Variants in DYRK1A observed in about 807,000 individuals in gnomAD.
DYRK1A encodes the protein dual specificity tyrosine phosphorylation regulated kinase 1A, also known as dual specificity tyrosine-phosphorylation-regulated kinase 1A.
A neutral mutation model predicts 79.7 loss-of-function variants in DYRK1A; 9 were observed. The observed-to-expected ratio is 0.11, with a 90% CI of 0.07 to 0.20. DYRK1A has a LOEUF of 0.20. Among genes scored for constraint, DYRK1A ranks in the 10% least tolerant of loss-of-function variants. DYRK1A has a pLI of 1.00. For missense variants in DYRK1A, 622 were observed against 956.0 expected, an observed-to-expected ratio of 0.65 and a Z score of 4.61; for synonymous variants, 349 against 329.7, an observed-to-expected ratio of 1.06 and a Z score of -0.63.
At chr21:37,496,315 C>G in intron 9 of DYRK1A, 57 bp downstream of exon 9, 1 of 1,509,000 alleles carries the variant, frequency 6.6e-7, no homozygotes, top group South Asian at 1.3e-5. Context: ...TCATACCTGT[C>G]TTTTTATAGC....
intron 1 of DYRK1A, among the ~76,000 whole-genome samples, chr21:37,385,235 A>G (rs1229730292): frequency 6.6e-6 from 1 of 152,108 alleles, no homozygotes; most frequent in Admixed American, 6.5e-5. Flanking sequence ...ATACACTTCC[A>G]TTTATTATCT....
intron 2 of DYRK1A, among the ~76,000 whole-genome samples, chr21:37,427,221 C>G (rs1354854963): frequency 6.6e-6 from 1 of 152,188 alleles, no homozygotes; most frequent in Non-Finnish European, 1.5e-5. Flanking sequence ...AAGCTATCCT[C>G]CTGCCTCAGC....
At chr21:37,492,866 G>A (rs989053511) in intron 7 of DYRK1A, 151 bp from the exon 8 acceptor site, 13 of 557,512 alleles carry the variant, frequency 2.3e-5, no homozygotes, top group Admixed American at 6.3e-5. Flanking sequence ...TCTTTAAGCC[G>A]TATTCGTAGT....
At chr21:37,388,345 A>C (rs1569285004) in intron 1 of DYRK1A, among the ~76,000 whole-genome samples, 10 of 151,844 alleles carry the variant, frequency 6.6e-5, no homozygotes, top group Admixed American at 5.9e-4. Flanking sequence ...TGGCTTCTCA[A>C]AGTGTTGAGA....
At chr21:37,493,933 CTTTTTT>C (rs35158368) in intron 8 of DYRK1A, among the ~76,000 whole-genome samples, 61 of 114,224 alleles carry the variant, frequency 5.3e-4, no homozygotes, top group African/African-American at 1.5e-3. Flanking sequence ...TTTAATTCTT[CTTTTTT>C]TTTTTTTTTT....
At chr21:37,483,470 A>T (rs1167098456) in intron 5 of DYRK1A, among the ~76,000 whole-genome samples, 1 of 152,222 alleles carries the variant, frequency 6.6e-6, no homozygotes, top group Non-Finnish European at 1.5e-5. Flanking sequence ...CCATGATTTG[A>T]AAGAATTTTG....
intron 10 of DYRK1A, 107 bp downstream of exon 10, chr21:37,505,696 G>C: frequency 8.2e-7 from 1 of 1,220,874 alleles, no homozygotes; most frequent in African/African-American, 1.5e-5. Context: ...GTGGGGAGCA[G>C]TTACTTTACT....
At chr21:37,407,019 T>G (rs1256286450) in intron 1 of DYRK1A, among the ~76,000 whole-genome samples, 1 of 151,618 alleles carries the variant, frequency 6.6e-6, no homozygotes, top group Non-Finnish European at 1.5e-5. Flanking sequence ...TTGCCCTGAC[T>G]AGTAAAGGTT....
chr21:37,500,037 G>T (rs930437872), intron 9 of DYRK1A, among the ~76,000 whole-genome samples: 5 of 151,872 alleles, frequency 3.3e-5, no homozygotes, highest in African/African-American at 1.2e-4. Flanking sequence ...CAGCATATTT[G>T]GGGGGGTCCT....
chr21:37,462,519 T>C (rs1313679982), intron 2 of DYRK1A, among the ~76,000 whole-genome samples: 1 of 152,204 alleles, frequency 6.6e-6, no homozygotes, highest in Non-Finnish European at 1.5e-5. Flanking sequence ...ATTTTAGTAG[T>C]TATTCAGTTC....
chr21:37,392,248 G>A (rs1425124898), intron 1 of DYRK1A, among the ~76,000 whole-genome samples: 1 of 152,162 alleles, frequency 6.6e-6, no homozygotes, highest in Non-Finnish European at 1.5e-5. Flanking sequence ...GTAACCTGAC[G>A]TACTCATCTC....
chr21:37,492,910 C>G, intron 7 of DYRK1A, 107 bp from the exon 8 acceptor site: 2 of 895,962 alleles, frequency 2.2e-6, no homozygotes, highest in Admixed American at 4.9e-5. Flanking sequence ...AACCCTAATT[C>G]AGGAATTAGC....
chr21:37,490,711 G>A (rs916950803), intron 7 of DYRK1A, among the ~76,000 whole-genome samples: 3 of 151,740 alleles, frequency 2.0e-5, no homozygotes, highest in African/African-American at 7.2e-5. Flanking sequence ...TAATTACCTT[G>A]TGTTGATATC....
intron 3 of DYRK1A, among the ~76,000 whole-genome samples, chr21:37,476,706 T>A (rs970148591): frequency 6.6e-6 from 1 of 152,196 alleles, no homozygotes; most frequent in Non-Finnish European, 1.5e-5. Flanking sequence ...TTCTGTGAAC[T>A]TAGCATTAGC....
intron 1 of DYRK1A, among the ~76,000 whole-genome samples, chr21:37,409,816 C>T (rs530972972): frequency 6.6e-6 from 1 of 152,160 alleles, no homozygotes; most frequent in Admixed American, 6.6e-5. Flanking sequence ...GCTTTGAGTC[C>T]TTTCTAATAT....
chr21:37,410,926 G>T (rs1334848443), intron 1 of DYRK1A, among the ~76,000 whole-genome samples: 1 of 151,858 alleles, frequency 6.6e-6, no homozygotes. Context: ...GCGCCCACTT[G>T]TAATCCCAGT....
rs2053917665 is a variant in DYRK1A, at chr21:37,519,741, T to G, written c.*7210T>G. The G allele has an allele frequency of 2.7e-5, 3 of 112,700 alleles. No homozygotes were observed. Among genetic ancestry groups the G allele is most frequent in the Admixed American group, 8.5e-5 (1 of 11,766 alleles). The allele number at this position is 112,700 out of a possible 1,614,324, so 7.0% of individuals were successfully genotyped here. On this transcript the variant is annotated 3_prime_UTR_variant, in exon 12 of 12. Transcript: ENST00000647188. ...TTTGAGGTTTGTTGTGGGAAGTTTT[T>G]TTTTTTTTTTTTTTTTTTGAGGCGG...
upstream of DYRK1A, among the ~76,000 whole-genome samples, chr21:37,366,691 C>CCGA (rs1370248502): frequency 6.6e-6 from 1 of 151,676 alleles, no homozygotes; most frequent in Non-Finnish European, 1.5e-5. Context: ...AGGCCCCGCC[C>CCGA]GCCGGCTCGG....
chr21:37,454,542 T>A (rs977481204), intron 2 of DYRK1A, among the ~76,000 whole-genome samples: 3 of 152,198 alleles, frequency 2.0e-5, no homozygotes, highest in African/African-American at 7.2e-5. Context: ...TTTTTTAGGT[T>A]ATGACCTCAC....
Sources: allele counts gnomAD v4.1 joint callset (sites outside exome capture counted in the v4.1 genomes callset), GRCh38; gene constraint gnomAD v4.1.1; transcripts MANE v1.5; gene names NCBI Gene and HGNC (gene_info 2026-07-23, HGNC 2026-07-21).